Variants in HS1BP3 observed in about 807,000 individuals in gnomAD.
HS1BP3 encodes HCLS1-binding protein 3.
A neutral mutation model predicts 33.5 loss-of-function variants in HS1BP3; 32 were observed. The ratio of observed to expected loss-of-function variants is 0.95; its 90% CI spans 0.72 to 1.28. The LOEUF is 1.28. HS1BP3 is among the 50% of genes most tolerant of loss of function. The pLI is 0.00. For synonymous variants in HS1BP3, 187 were observed against 209.2 expected, an observed-to-expected ratio of 0.89 and a Z score of 0.92; for missense variants, 486 against 502.3, an observed-to-expected ratio of 0.97 and a Z score of 0.31.
chr2:20,647,064 CAG>C (rs1695540778), intron 1 of HS1BP3, among the ~76,000 whole-genome samples: 2 of 150,874 alleles, frequency 1.3e-5, no homozygotes, highest in Non-Finnish European at 2.9e-5. Flanking sequence ...AAACGAGGCA[CAG>C]GGGGGTGAAA....
chr2:20,633,013 G>A (rs140018325), intron 4 of HS1BP3, among the ~76,000 whole-genome samples: 1 of 152,316 alleles, frequency 6.6e-6, no homozygotes, highest in African/African-American at 2.4e-5. Context: ...TTTTACAAAG[G>A]AACTTTCCTG....
chr2:20,626,202 G>A (rs1165163931), intron 4 of HS1BP3, among the ~76,000 whole-genome samples: 2 of 152,200 alleles, frequency 1.3e-5, no homozygotes, highest in Admixed American at 6.5e-5. Flanking sequence ...GCAGGTCCCC[G>A]CAAGGTGACC....
At chr2:20,581,048 T>A (rs1268423489) in intron 5 of HS1BP3, among the ~76,000 whole-genome samples, 1 of 152,180 alleles carries the variant, frequency 6.6e-6, no homozygotes, top group Non-Finnish European at 1.5e-5. Flanking sequence ...GAGCAGGCTG[T>A]CTTCCGCAAA....
intron 2 of HS1BP3, among the ~76,000 whole-genome samples, chr2:20,599,609 AAC>A (rs59149167): frequency 0.1 from 13,583 of 136,120 alleles, 884 homozygotes; most frequent in South Asian, 0.23. Flanking sequence ...CTTCTTGTGT[AAC>A]ACACACACAC....
intron 1 of HS1BP3, among the ~76,000 whole-genome samples, chr2:20,648,367 C>G (rs1277450118): frequency 3.3e-5 from 5 of 152,176 alleles, no homozygotes; most frequent in South Asian, 2.1e-4. Context: ...ATGCAACAAA[C>G]TGCCCACGCC....
intron 1 of HS1BP3, among the ~76,000 whole-genome samples, chr2:20,647,826 A>G (rs1207215643): frequency 1.3e-5 from 2 of 152,028 alleles, no homozygotes; most frequent in Non-Finnish European, 2.9e-5. Context: ...TGTGCGTGCA[A>G]CCCCCTGGGG....
At chr2:20,563,802 G>A (rs374105006) in intron 5 of HS1BP3, among the ~76,000 whole-genome samples, 267 of 152,296 alleles carry the variant, frequency 1.8e-3, no homozygotes, top group African/African-American at 5.9e-3. Flanking sequence ...TCAAAGTGTG[G>A]TTCATGGACC....
At chr2:20,556,628 A>C (rs571595129), downstream of HS1BP3, among the ~76,000 whole-genome samples, 1 of 152,320 alleles carries the variant, frequency 6.6e-6, no homozygotes, top group African/African-American at 2.4e-5. Context: ...CAGAGAAGCA[A>C]CTGTATTCTC....
chr2:20,565,239 A>G (rs1375077227), intron 5 of HS1BP3, among the ~76,000 whole-genome samples: 2 of 152,174 alleles, frequency 1.3e-5, no homozygotes, highest in African/African-American at 4.8e-5. Flanking sequence ...AAATGGGGTG[A>G]GGCCATACCC....
chr2:20,584,277 G>T (rs191368870), intron 5 of HS1BP3, among the ~76,000 whole-genome samples: 2 of 152,346 alleles, frequency 1.3e-5, no homozygotes, highest in East Asian at 3.9e-4. Flanking sequence ...GCTGGCAGAA[G>T]AGAGATGTTC....
chr2:20,555,935 T>C (rs1219497871), downstream of HS1BP3, among the ~76,000 whole-genome samples: 1 of 152,142 alleles, frequency 6.6e-6, no homozygotes, highest in Admixed American at 6.5e-5. Flanking sequence ...CCCTTCCCCT[T>C]CCCTCAGTTC....
chr2:20,596,617 C>T (rs1693948703), intron 3 of HS1BP3, among the ~76,000 whole-genome samples: 1 of 152,216 alleles, frequency 6.6e-6, no homozygotes, highest in Non-Finnish European at 1.5e-5. Flanking sequence ...TTTATAATCA[C>T]CCAGTCTATG....
At chr2:20,597,731 T>G (rs1693975641) in intron 3 of HS1BP3, among the ~76,000 whole-genome samples, 1 of 152,216 alleles carries the variant, frequency 6.6e-6, no homozygotes, top group Admixed American at 6.5e-5. Context: ...ATCTATGCAT[T>G]TATTATGGAA....
intron 5 of HS1BP3, among the ~76,000 whole-genome samples, chr2:20,575,722 C>T (rs573722015): frequency 2.1e-3 from 320 of 151,436 alleles, no homozygotes; most frequent in African/African-American, 7.3e-3. Flanking sequence ...CTCTTCCACA[C>T]GGGGGCCTGG....
intron 5 of HS1BP3, among the ~76,000 whole-genome samples, chr2:20,568,487 T>C (rs10186749): frequency 0.91 from 138,472 of 152,160 alleles, 63,254 homozygotes; most frequent in East Asian, 1. Context: ...GGAAGCCCTG[T>C]CAGGTTTTAA....
Position 20,636,895 on chromosome 2 carries a change from AC to A in HS1BP3, c.623+1540del, listed in dbSNP as rs1287270623. 2.6e-5 allele frequency: 4 copies of A among 152,348 alleles called. No individual in the cohort carries two copies. In the East Asian group the frequency reaches 5.8e-4, roughly 22 times the overall value. The allele number at this position is 152,348 out of a possible 1,614,324, so 9.4% of individuals were successfully genotyped here. Reference sequence around the variant, plus strand: ...GAGGTGATAACGTTGATTCATCAGCACCTTGTCACACGGGTCCTTAAAAAGA... The same window carrying A: ...GAGGTGATAACGTTGATTCATCAGCACTTGTCACACGGGTCCTTAAAAAGA... On this transcript the variant is annotated intron_variant, in intron 4 of 6. Coordinates refer to ENST00000304031, the MANE Select transcript of HS1BP3 (RefSeq NM_022460.4).
chr2:20,555,381 T>C, the HS1BP3 span, among the ~76,000 whole-genome samples: 1 of 152,160 alleles, frequency 6.6e-6, no homozygotes, highest in Non-Finnish European at 1.5e-5. Flanking sequence ...TGTTCAGAAA[T>C]GATTAAGAAT....
At chr2:20,588,441 C>G (rs1010426265), downstream of HS1BP3, among the ~76,000 whole-genome samples, 2 of 152,146 alleles carry the variant, frequency 1.3e-5, no homozygotes, top group Admixed American at 1.3e-4. Context: ...CTCAGCCTCC[C>G]GAGTAGCTGG....
At chr2:20,577,944 A>G (rs539066575) in intron 5 of HS1BP3, among the ~76,000 whole-genome samples, 461 of 152,352 alleles carry the variant, frequency 3.0e-3, no homozygotes, top group African/African-American at 0.01. Context: ...CTCGTTCCTC[A>G]AGCCTGTCCA....
Sources: allele counts gnomAD v4.1 joint callset (sites outside exome capture counted in the v4.1 genomes callset), GRCh38; gene constraint gnomAD v4.1.1; transcripts MANE v1.5; gene names NCBI Gene and HGNC (gene_info 2026-07-23, HGNC 2026-07-21).